KIAA1217: variants seen among roughly 807,000 people sequenced by gnomAD.
KIAA1217 encodes the protein sickle tail protein homolog.
Under a neutral mutation model 163.9 loss-of-function variants are expected in KIAA1217, and 88 were observed. That is an observed-to-expected ratio of 0.54 (90% confidence interval 0.45 to 0.64). The LOEUF (loss-of-function observed/expected upper bound fraction) is 0.64, where lower values mean the gene tolerates loss of function less well. Among genes scored for constraint, KIAA1217 ranks in the 30% least tolerant of loss-of-function variants. The pLI is 0.00. For missense variants in KIAA1217, 2,372 were observed against 2,475.0 expected (o/e 0.96, Z 0.88); for synonymous variants, 903 against 923.1 (o/e 0.98, Z 0.39).
chr10:23,856,976 G>A (rs1294413483), intron 1 of KIAA1217, among the ~76,000 whole-genome samples: 1 of 152,230 alleles, frequency 6.6e-6, no homozygotes, highest in Non-Finnish European at 1.5e-5. Flanking sequence ...GTGAGGCAAT[G>A]CCTCGCCCTG....
intron 1 of KIAA1217, among the ~76,000 whole-genome samples, chr10:23,961,963 A>G (rs190493270): frequency 7.2e-5 from 11 of 152,308 alleles, no homozygotes; most frequent in African/African-American, 2.6e-4. Context: ...GTATTAGATT[A>G]TAGTTCACCC....
intron 1 of KIAA1217, among the ~76,000 whole-genome samples, chr10:23,930,497 A>AT (rs1264296612): frequency 6.6e-6 from 1 of 152,170 alleles, no homozygotes; most frequent in Non-Finnish European, 1.5e-5. Context: ...GGCAGCAGAC[A>AT]TTTTTTCACA....
At chr10:23,796,615 A>G (rs1384619786) in intron 1 of KIAA1217, among the ~76,000 whole-genome samples, 1 of 152,038 alleles carries the variant, frequency 6.6e-6, no homozygotes, top group Admixed American at 6.6e-5. Context: ...CACCCATCTC[A>G]GCCTCCCAAA....
At chr10:24,283,842 T>C (rs2078241860) in intron 2 of KIAA1217, among the ~76,000 whole-genome samples, 1 of 152,182 alleles carries the variant, frequency 6.6e-6, no homozygotes, top group Non-Finnish European at 1.5e-5. Context: ...TAGTATCACA[T>C]TGTTGTTTTA....
chr10:23,826,687 T>C lies in KIAA1217; in HGVS notation c.-321+131453T>C, dbSNP rs190318120. Among the ~76,000 whole-genome samples, 8 of 152,280 alleles carry C rather than the reference T, an allele frequency of 5.3e-5. No homozygotes were observed. In the East Asian group the frequency reaches 1.2e-3, roughly 22 times the overall value. Reference sequence around the variant, plus strand: ...CATGCTGGGAACATAAGGAGCGTCCTGTGGTGTGTAGTTGCTGTTCTTCTG... The same window carrying C: ...CATGCTGGGAACATAAGGAGCGTCCCGTGGTGTGTAGTTGCTGTTCTTCTG... On this transcript the variant is annotated intron_variant, in intron 1 of 18. Coordinates refer to the KIAA1217 transcript ENST00000376462.
At chr10:24,152,155 C>T (rs1416851035) in intron 2 of KIAA1217, among the ~76,000 whole-genome samples, 1 of 152,164 alleles carries the variant, frequency 6.6e-6, no homozygotes, top group Non-Finnish European at 1.5e-5. Flanking sequence ...AATAACCTCT[C>T]TCTTTTTCTG....
intron 2 of KIAA1217, among the ~76,000 whole-genome samples, chr10:24,152,693 A>G (rs2064675334): frequency 6.6e-6 from 1 of 151,898 alleles, no homozygotes; most frequent in Non-Finnish European, 1.5e-5. Context: ...TAACACGTAA[A>G]TAAACTTTAC....
chr10:23,797,128 T>C (rs541860924), intron 1 of KIAA1217, among the ~76,000 whole-genome samples: 26 of 152,298 alleles, frequency 1.7e-4, no homozygotes, highest in Middle Eastern at 3.4e-3. Flanking sequence ...AGCTGTAAAA[T>C]GTATATTTTA....
intron 1 of KIAA1217, among the ~76,000 whole-genome samples, chr10:23,726,666 C>T (rs143985825): frequency 1.3e-5 from 2 of 151,868 alleles, no homozygotes; most frequent in East Asian, 3.9e-4. Flanking sequence ...TGACAAAGGG[C>T]TAATATCCAG....
intron 1 of KIAA1217, among the ~76,000 whole-genome samples, chr10:23,856,906 T>C (rs1172894487): frequency 6.6e-6 from 1 of 152,226 alleles, no homozygotes; most frequent in Non-Finnish European, 1.5e-5. Flanking sequence ...TTCCAGGTGC[T>C]GTCTGTCACC....
At chr10:24,239,332 G>A (rs749161651) in intron 2 of KIAA1217, 5 of 982,900 alleles carry the variant, frequency 5.1e-6, no homozygotes, top group Non-Finnish European at 6.0e-6. Context: ...GGAGCTCTGG[G>A]TACAGGTAAA....
At chr10:24,536,303 GA>G (rs1486084685) in intron 16 of KIAA1217, among the ~76,000 whole-genome samples, 1 of 152,204 alleles carries the variant, frequency 6.6e-6, no homozygotes, top group African/African-American at 2.4e-5. Context: ...CTATTTCAGA[GA>G]AGGATTGCTA....
At chr10:24,044,105 T>A (rs892221709) in intron 2 of KIAA1217, among the ~76,000 whole-genome samples, 1 of 152,180 alleles carries the variant, frequency 6.6e-6, no homozygotes, top group Non-Finnish European at 1.5e-5. Flanking sequence ...AGGACTGGAT[T>A]ATTTTTGAAA....
intron 3 of KIAA1217, among the ~76,000 whole-genome samples, chr10:24,422,394 A>G (rs1338197340): frequency 6.6e-6 from 1 of 152,250 alleles, no homozygotes; most frequent in Non-Finnish European, 1.5e-5. Flanking sequence ...AGATACAGTT[A>G]TAGCATATTC....
At chr10:23,906,889 A>G (rs1842184935) in intron 1 of KIAA1217, among the ~76,000 whole-genome samples, 1 of 152,110 alleles carries the variant, frequency 6.6e-6, no homozygotes, top group Non-Finnish European at 1.5e-5. Context: ...TACATTCTAT[A>G]CATACCTTTT....
intron 1 of KIAA1217, among the ~76,000 whole-genome samples, chr10:23,927,991 T>C (rs1843098258): frequency 6.6e-6 from 1 of 152,222 alleles, no homozygotes; most frequent in Non-Finnish European, 1.5e-5. Context: ...ATGCAGTAAC[T>C]CGTCCACCCA....
chr10:23,990,490 A>G (rs1846172815), intron 1 of KIAA1217, among the ~76,000 whole-genome samples: 2 of 152,166 alleles, frequency 1.3e-5, no homozygotes, highest in African/African-American at 4.8e-5. Context: ...CTCAATCAAA[A>G]GAATCCACAC....
At chr10:24,357,823 T>C (rs1439261754) in intron 2 of KIAA1217, among the ~76,000 whole-genome samples, 2 of 152,118 alleles carry the variant, frequency 1.3e-5, no homozygotes, top group African/African-American at 4.8e-5. Context: ...GGGTGATAGA[T>C]TGGAATGCTC....
intron 2 of KIAA1217, among the ~76,000 whole-genome samples, chr10:24,313,189 G>A (rs1001642761): frequency 3.9e-5 from 6 of 152,138 alleles, no homozygotes; most frequent in South Asian, 2.1e-4. Flanking sequence ...ACAGTAGAGC[G>A]GGACGTATTT....
Sources: gnomAD v4.1 joint callset for allele counts (sites outside exome capture counted in the v4.1 genomes callset) on GRCh38, gnomAD v4.1.1 for gene constraint, MANE v1.5 for transcripts, NCBI Gene and HGNC (gene_info 2026-07-23, HGNC 2026-07-21) for gene names.